Variants in GALNT11 observed in about 807,000 individuals in gnomAD.
The protein encoded by GALNT11 is UDP-GalNAc:polypeptide N-acetylgalactosaminyltransferase 11.
GALNT11 carries 47 observed loss-of-function variants against 72.7 expected under a neutral mutation model. The observed-to-expected ratio is 0.65, with a 90% confidence interval of 0.51 to 0.82. The LOEUF is 0.82. Among genes scored for constraint, GALNT11 ranks in the 40% least tolerant of loss-of-function variants. The probability of loss-of-function intolerance (pLI) is 0.00; values close to 1 mark genes in which losing one functional copy is unlikely to be tolerated. For synonymous variants in GALNT11, 270 were observed against 286.6 expected, an observed-to-expected ratio of 0.94 and a Z score of 0.58; for missense variants, 677 against 778.4, an observed-to-expected ratio of 0.87 and a Z score of 1.55.
At chr7:152,058,418 T>C (rs2083812443) in intron 1 of GALNT11, among the ~76,000 whole-genome samples, 1 of 152,140 alleles carries the variant, frequency 6.6e-6, no homozygotes, top group South Asian at 2.1e-4. Flanking sequence ...CACCGCAACC[T>C]CTGCCTCCCG....
intron 8 of GALNT11, among the ~76,000 whole-genome samples, chr7:152,115,942 G>T (rs1345618562): frequency 1.3e-5 from 2 of 152,030 alleles, no homozygotes; most frequent in African/African-American, 4.8e-5. Context: ...TGTAGTTCCA[G>T]CTACTCAGGA....
At chr7:152,077,219 G>C (rs146494884) in intron 1 of GALNT11, among the ~76,000 whole-genome samples, 28 of 152,292 alleles carry the variant, frequency 1.8e-4, no homozygotes, top group African/African-American at 6.3e-4. Context: ...TCCGATAATG[G>C]CCTGAGTAAC....
At chr7:152,070,928 A>G (rs1321102513) in intron 1 of GALNT11, among the ~76,000 whole-genome samples, 1 of 152,188 alleles carries the variant, frequency 6.6e-6, no homozygotes, top group Non-Finnish European at 1.5e-5. Context: ...GTGATGCCCA[A>G]CAAGCCACAA....
At chr7:152,121,078 G>A (rs2089382460) in intron 11 of GALNT11, 110 bp downstream of exon 11, 7 of 1,323,748 alleles carry the variant, frequency 5.3e-6, no homozygotes, top group Non-Finnish European at 7.2e-6. Context: ...TTCTCAGTCT[G>A]CAGTACAGTG....
At chr7:152,089,440 G>A (rs924638254) in intron 1 of GALNT11, among the ~76,000 whole-genome samples, 5 of 152,200 alleles carry the variant, frequency 3.3e-5, no homozygotes, top group African/African-American at 9.7e-5. Context: ...GAGCACATTC[G>A]AACAAAGGAA....
intron 1 of GALNT11, among the ~76,000 whole-genome samples, chr7:152,074,100 C>A (rs1455531298): frequency 2.0e-5 from 3 of 152,092 alleles, no homozygotes; most frequent in Non-Finnish European, 4.4e-5. Context: ...GTTGTCTTTT[C>A]ACTCTGCTGA....
At chr7:152,058,249 A>T (rs185300651) in intron 1 of GALNT11, among the ~76,000 whole-genome samples, 1 of 152,244 alleles carries the variant, frequency 6.6e-6, no homozygotes, top group Non-Finnish European at 1.5e-5. Context: ...GTGAGTGGTA[A>T]TCTTTTTGCT....
intron 1 of GALNT11, among the ~76,000 whole-genome samples, chr7:152,078,257 G>C (rs6464199): frequency 0.62 from 93,541 of 152,024 alleles, 30,279 homozygotes; most frequent in African/African-American, 0.82. Context: ...CTCTTGTTGC[G>C]CAGGCTGGAG....
chr7:152,055,525 GTGTGTGTGT>G (rs2083620231), intron 1 of GALNT11, among the ~76,000 whole-genome samples: 1 of 13,156 alleles, frequency 7.6e-5, no homozygotes, highest in African/African-American at 1.2e-3. Context: ...TAAAGCGTGT[GTGTGTGTGT>G]GTGTGTGTGT....
At chr7:152,060,068 C>T (rs1381444690) in intron 1 of GALNT11, among the ~76,000 whole-genome samples, 1 of 151,556 alleles carries the variant, frequency 6.6e-6, no homozygotes, top group Non-Finnish European at 1.5e-5. Context: ...CTTGCTGCAG[C>T]TTCTCCATCA....
At chr7:152,082,934 G>A (rs1351024146) in intron 1 of GALNT11, among the ~76,000 whole-genome samples, 1 of 152,112 alleles carries the variant, frequency 6.6e-6, no homozygotes, top group Non-Finnish European at 1.5e-5. Flanking sequence ...AGAACTATTT[G>A]TGTTTCTGTT....
chr7:152,073,364 T>C (rs966993118), intron 1 of GALNT11, among the ~76,000 whole-genome samples: 3 of 152,232 alleles, frequency 2.0e-5, no homozygotes, highest in Non-Finnish European at 2.9e-5. Flanking sequence ...TGAGATCAAC[T>C]GTTTTTCAGC....
intron 1 of GALNT11, among the ~76,000 whole-genome samples, chr7:152,055,006 A>G (rs768134137): frequency 6.6e-6 from 1 of 152,162 alleles, no homozygotes; most frequent in Non-Finnish European, 1.5e-5. Context: ...GCAAATCTGA[A>G]ATCTGTGGAG....
chr7:152,061,339 AGTTT>A (rs1413975405), intron 1 of GALNT11, among the ~76,000 whole-genome samples: 2 of 151,706 alleles, frequency 1.3e-5, no homozygotes, highest in Non-Finnish European at 2.9e-5. Flanking sequence ...TTTTCTTGTA[AGTTT>A]GTTTGAGTTA....
In GALNT11 at chr7:152,121,659, G is replaced by A. The variant is rs1185129771; in HGVS notation, c.1809G>A (p.Gln603=). 1 of 1,614,108 alleles carries A rather than the reference G, an allele frequency of 6.2e-7. No individual in the cohort carries two copies. The stretch of plus-strand genomic sequence containing the variant: ...TCTGCGATGGCTCCTCTTCACAGCA[G>A]TGGCATTTGGAAGGTTAAGGTGGAT... ...MAICDGSSSQ[Q]WHLEG Residue 603 remains glutamine, a synonymous_variant, in exon 12 of 12, where the codon CAG becomes CAA. Coordinates refer to ENST00000430044, the MANE Select transcript of GALNT11 (RefSeq NM_022087.4).
chr7:152,044,388 G>T (rs2083018178), intron 1 of GALNT11, among the ~76,000 whole-genome samples: 2 of 152,168 alleles, frequency 1.3e-5, no homozygotes, highest in African/African-American at 2.4e-5. Context: ...GGTGGGCCAG[G>T]TGTTCCTTGC....
At position 152,094,509 on chromosome 7, in the gene GALNT11, C is replaced by A. The variant is rs141502485; in HGVS notation, c.282C>A (p.Phe94Leu). 7.1e-5 allele frequency: 114 copies of A among 1,609,682 alleles called. No individual in the cohort carries two copies. Among genetic ancestry groups the A allele is most frequent in the Non-Finnish European group, 8.8e-5 (104 of 1,177,486 alleles). Reference protein sequence around the residue: ...VEDPEEGHLKFSSELGMIFNE... With the variant: ...VEDPEEGHLKLSSELGMIFNE... ...ATCCAGAAGAAGGCCACTTGAAATT[C>A]TCTTCTGAATTAGGTAAGTATATGA... The change falls in exon 2 of 12, where the codon TTC becomes TTA. Residue 94 changes from phenylalanine (F) to leucine (L), a missense_variant. By Grantham distance (22) the Phe-to-Leu change is conservative. Coordinates refer to ENST00000430044, the MANE Select transcript of GALNT11 (RefSeq NM_022087.4). This position sits in a 1 kb window ranked among gnomAD's most constrained non-coding sequence, Gnocchi z 4.3.
intron 1 of GALNT11, among the ~76,000 whole-genome samples, chr7:152,073,728 T>C (rs760485971): frequency 9.9e-5 from 15 of 152,224 alleles, no homozygotes; most frequent in Non-Finnish European, 1.9e-4. Flanking sequence ...CTGTTTTCCA[T>C]AGTGGCTGTA....
intron 9 of GALNT11, 88 bp from the exon 10 acceptor site, chr7:152,118,590 C>A: frequency 9.0e-7 from 1 of 1,105,424 alleles, no homozygotes; most frequent in Non-Finnish European, 1.3e-6. Flanking sequence ...CCGGAATAAC[C>A]TTTCACATTT....
Sources: allele counts gnomAD v4.1 joint callset (sites outside exome capture counted in the v4.1 genomes callset), GRCh38; gene constraint gnomAD v4.1.1; non-coding constraint Gnocchi (gnomAD v3.1); transcripts MANE v1.5; gene names NCBI Gene and HGNC (gene_info 2026-07-23, HGNC 2026-07-21).